Variants in KIRREL3 observed in about 807,000 individuals in gnomAD.
KIRREL3 encodes kin of IRRE-like protein 3.
Under a neutral mutation model 89.7 loss-of-function variants are expected in KIRREL3, and 36 were observed. The observed-to-expected ratio is 0.40, with a 90% CI of 0.31 to 0.53. The LOEUF is 0.53. Among genes scored for constraint, KIRREL3 ranks in the 20% least tolerant of loss-of-function variants. The pLI, the probability that KIRREL3 is intolerant of heterozygous loss-of-function variation, is 0.49. For missense variants in KIRREL3, 864 were observed against 1,056.6 expected (o/e 0.82, Z 2.53); for synonymous variants, 445 against 441.4 (o/e 1.01, Z -0.10).
chr11:126,499,851 G>A (rs1186710186), intron 4 of KIRREL3, among the ~76,000 whole-genome samples: 1 of 152,122 alleles, frequency 6.6e-6, no homozygotes, highest in Admixed American at 6.5e-5. Flanking sequence ...ATATATTCGA[G>A]GGCTTCTTTT....
chr11:126,595,227 G>A lies in KIRREL3; in HGVS notation c.56-32315C>T, dbSNP rs936651508. ...TGAAGAGGGTGGATGTCCACTTTGG[G>A]CAGACAAAGGAGCTGCAGTCAGCCT... On this transcript the variant is annotated intron_variant, in intron 1 of 16. Transcript: ENST00000525144. Among the ~76,000 whole-genome samples, 3 of 152,238 alleles carry A rather than the reference G, an allele frequency of 2.0e-5. No homozygotes were observed. The East Asian group carries it at 5.8e-4, about 29-fold the overall frequency.
chr11:126,723,518 A>G lies in KIRREL3; in HGVS notation c.56-160606T>C, dbSNP rs1243108940. On this transcript the variant is annotated intron_variant, in intron 1 of 16. Transcript: ENST00000525144. The surrounding 1 kb of genome is among the most constrained non-coding windows in gnomAD (Gnocchi z 4.0). ...CAGCTGGTGCCAACATTTACCTCACACCTCCCTTAGTAGGCAAGAAAGCAT... is the reference window on the plus strand; with the variant it reads ...CAGCTGGTGCCAACATTTACCTCACGCCTCCCTTAGTAGGCAAGAAAGCAT... Among the ~76,000 whole-genome samples the G allele has an allele frequency of 6.6e-6, 1 of 151,972 alleles. No individual in the cohort carries two copies. Among genetic ancestry groups the G allele is most frequent in the African/African-American group, 2.4e-5 (1 of 41,370 alleles).
rs1232837250 is a variant in KIRREL3 at position 126,844,827 on chromosome 11, T to TA, written c.55+155627dup. ...GGGACATGGGGAGCTTTTTCCTCCCTAAAAAAGGGAAACTTGAGAGCCAAC... is the reference window on the plus strand; with the variant it reads ...GGGACATGGGGAGCTTTTTCCTCCCTAAAAAAAGGGAAACTTGAGAGCCAAC... On this transcript the variant is annotated intron_variant, in intron 1 of 16. Transcript: ENST00000525144. The surrounding 1 kb of genome is among the most constrained non-coding windows in gnomAD (Gnocchi z 4.8). Among the ~76,000 whole-genome samples, 1 of 152,110 alleles carries TA rather than the reference T, an allele frequency of 6.6e-6. No homozygotes were observed. The highest frequency in any genetic ancestry group is 1.5e-5 in the Non-Finnish European group (1 of 68,026).
rs1218011378 is a variant in KIRREL3 at position 126,521,239 on chromosome 11, CA to C, written c.433+75del. On this transcript the variant is annotated intron_variant, in intron 4 of 16. Coordinates refer to ENST00000525144, the MANE Select transcript of KIRREL3 (RefSeq NM_032531.4). The surrounding 1 kb of genome is among the most constrained non-coding windows in gnomAD (Gnocchi z 4.1). ...AGAGGGGAGTCTCCCCATGTCTGAC[CA>C]AAAAAATACCCTCTTGGAGCTGAGC... 7 of 1,423,196 alleles carry C rather than the reference CA, an allele frequency of 4.9e-6. No individual in the cohort carries two copies. The highest frequency in any genetic ancestry group is 3.7e-6 in the Non-Finnish European group (4 of 1,080,820). 88.2% of individuals were successfully genotyped at this position (1,423,196 alleles called of 1,614,324 possible). A position where few individuals can be genotyped will look rare whatever the true frequency, so the allele number is the denominator to read the frequency against.
chr11:126,923,387 T>A (rs1343087631), intron 1 of KIRREL3, among the ~76,000 whole-genome samples: 2 of 290 alleles, frequency 6.9e-3, no homozygotes, highest in African/African-American at 0.043. Flanking sequence ...CTTCTTCTTC[T>A]TCCTCTTCTT....
At chr11:126,881,707 T>G (rs992365377) in intron 1 of KIRREL3, among the ~76,000 whole-genome samples, 2 of 152,022 alleles carry the variant, frequency 1.3e-5, no homozygotes, top group Non-Finnish European at 2.9e-5. Flanking sequence ...ACCACCATAC[T>G]CGGCTAATTT....
intron 1 of KIRREL3, among the ~76,000 whole-genome samples, chr11:126,971,242 A>G (rs1020351888): frequency 2.0e-5 from 3 of 152,220 alleles, no homozygotes; most frequent in African/African-American, 2.4e-5. Context: ...GTGAAAAATC[A>G]TCAAGGTATG....
At chr11:126,757,315 AAAGAG>A (rs1047125162) in intron 1 of KIRREL3, among the ~76,000 whole-genome samples, 1 of 152,132 alleles carries the variant, frequency 6.6e-6, no homozygotes, top group African/African-American at 2.4e-5. Context: ...AAAAAAAAGA[AAAGAG>A]AAGAAAAGAA....
rs900812107 is a variant in KIRREL3 at position 126,780,383 on chromosome 11, G to A, written c.56-217471C>T. Among the ~76,000 whole-genome samples, 1 of 152,168 alleles carries A rather than the reference G, an allele frequency of 6.6e-6. No homozygotes were observed. Among genetic ancestry groups the A allele is most frequent in the Non-Finnish European group, 1.5e-5 (1 of 68,042 alleles). On this transcript the variant is annotated intron_variant, in intron 1 of 16. Transcript: ENST00000525144. The surrounding 1 kb of genome is among the most constrained non-coding windows in gnomAD (Gnocchi z 5.3). ...TTTAAATAAAAACCAGCTATTCGTGGGGAAGCCTGACAGGGTTTCTTTTAA... is the reference window on the plus strand; with the variant it reads ...TTTAAATAAAAACCAGCTATTCGTGAGGAAGCCTGACAGGGTTTCTTTTAA...
intron 1 of KIRREL3, among the ~76,000 whole-genome samples, chr11:126,915,071 A>G (rs1288467919): frequency 6.6e-6 from 1 of 152,188 alleles, no homozygotes; most frequent in East Asian, 1.9e-4. Context: ...ACTGTTATGA[A>G]AAAAGACATG....
At chr11:126,469,729 G>A (rs1401139718) in intron 5 of KIRREL3, among the ~76,000 whole-genome samples, 3 of 152,206 alleles carry the variant, frequency 2.0e-5, no homozygotes, top group Admixed American at 6.5e-5. Flanking sequence ...GAGGCCCAGA[G>A]AAATGAAGTG....
intron 1 of KIRREL3, among the ~76,000 whole-genome samples, chr11:126,992,762 C>T (rs182448375): frequency 4.5e-4 from 69 of 152,314 alleles, no homozygotes; most frequent in Non-Finnish European, 8.1e-4. Context: ...CTGGTTAGCA[C>T]CCATCTTCAA....
intron 1 of KIRREL3, among the ~76,000 whole-genome samples, chr11:126,894,189 T>C (rs1318357479): frequency 6.6e-6 from 1 of 152,052 alleles, no homozygotes; most frequent in African/African-American, 2.4e-5. Context: ...AATAAGGAAG[T>C]GATGAATTGA....
At chr11:126,692,303 C>T (rs570855788) in intron 1 of KIRREL3, among the ~76,000 whole-genome samples, 83 of 151,964 alleles carry the variant, frequency 5.5e-4, no homozygotes, top group African/African-American at 1.6e-3. Flanking sequence ...CTAGCACTTT[C>T]GGAAGCCAAG....
rs934120034 is a variant in KIRREL3, at chr11:126,969,022, G to A, written c.55+31433C>T. ...ATCTCTGCAGATACGGGAAAACCCT[G>A]CCTCTCCTTGCATAGATGTCAGAAG... On this transcript the variant is annotated intron_variant, in intron 1 of 16. Coordinates refer to ENST00000525144, the MANE Select transcript of KIRREL3 (RefSeq NM_032531.4). The surrounding 1 kb of genome is among the most constrained non-coding windows in gnomAD (Gnocchi z 4.9). Among the ~76,000 whole-genome samples the A allele has an allele frequency of 1.3e-5, 2 of 152,182 alleles. No individual in the cohort carries two copies. The highest frequency in any genetic ancestry group is 2.4e-5 in the African/African-American group (1 of 41,454).
intron 1 of KIRREL3, among the ~76,000 whole-genome samples, chr11:126,585,792 C>T (rs1362075006): frequency 3.3e-5 from 5 of 152,200 alleles, no homozygotes. Context: ...GGGCATCTAG[C>T]TAAAAGGTAC....
rs761829809 is a variant in KIRREL3, at chr11:126,740,349, C to T, written c.56-177437G>A. ...AGGATAGAAAGAAATTAAAGTGCTG[C>T]ATTGCTAAACTCAGTGGAGATGGTA... On this transcript the variant is annotated intron_variant, in intron 1 of 16. Transcript: ENST00000525144. The surrounding 1 kb of genome is among the most constrained non-coding windows in gnomAD (Gnocchi z 6.0). Among the ~76,000 whole-genome samples, 1 of 152,106 alleles carries T rather than the reference C, an allele frequency of 6.6e-6. No individual in the cohort carries two copies. Among genetic ancestry groups the T allele is most frequent in the Non-Finnish European group, 1.5e-5 (1 of 68,020 alleles).
chr11:126,649,800 A>G (rs1181795578), intron 1 of KIRREL3, among the ~76,000 whole-genome samples: 1 of 152,094 alleles, frequency 6.6e-6, no homozygotes, highest in African/African-American at 2.4e-5. Flanking sequence ...CCCTCCTCTC[A>G]CAGCTCCACT....
At position 126,454,644 on chromosome 11, in the gene KIRREL3, G is replaced by A. The variant is rs563643972; in HGVS notation, c.848+1705C>T. 7.2e-5 allele frequency among the ~76,000 whole-genome samples: 11 copies of A among 152,240 alleles called. No homozygotes were observed. Among genetic ancestry groups the A allele is most frequent in the African/African-American group, 2.4e-4 (10 of 41,520 alleles). On this transcript the variant is annotated intron_variant, in intron 7 of 16. Transcript: ENST00000525144. The surrounding 1 kb of genome is among the most constrained non-coding windows in gnomAD (Gnocchi z 5.8). The stretch of plus-strand genomic sequence containing the variant: ...GAAACCCAGGCCTGGCAGGTGCAGC[G>A]TGGAAGCCTAGGGCCAGGGAGTCTC...
Sources: gnomAD v4.1 joint callset for allele counts (sites outside exome capture counted in the v4.1 genomes callset) on GRCh38, gnomAD v4.1.1 for gene constraint, Gnocchi (gnomAD v3.1) non-coding constraint, MANE v1.5 for transcripts, NCBI Gene and HGNC (gene_info 2026-07-23, HGNC 2026-07-21) for gene names.